Variants in ATR observed in about 807,000 individuals in gnomAD.
ATR encodes serine/threonine-protein kinase ATR.
A neutral mutation model predicts 305.3 loss-of-function variants in ATR; 142 were observed. The observed-to-expected ratio is 0.47, with a 90% CI of 0.41 to 0.53. The LOEUF (loss-of-function observed/expected upper bound fraction) is 0.53, where lower values mean the gene tolerates loss of function less well. Among genes scored for constraint, ATR ranks in the 20% least tolerant of loss-of-function variants. ATR has a pLI of 0.00. For missense variants in ATR, 2,135 were observed against 3,133.1 expected (o/e 0.68, Z 7.60); for synonymous variants, 1,050 against 1,068.1 (o/e 0.98, Z 0.33).
At chr3:142,470,836 T>C (rs2071245272) in intron 36 of ATR, among the ~76,000 whole-genome samples, 1 of 152,176 alleles carries the variant, frequency 6.6e-6, no homozygotes. Flanking sequence ...ACGCTGTTTC[T>C]GGTAAAATTT....
intron 6 of ATR, among the ~76,000 whole-genome samples, 170 bp downstream of exon 6, chr3:142,560,093 A>G (rs1162191362): frequency 6.6e-6 from 1 of 152,244 alleles, no homozygotes; most frequent in Non-Finnish European, 1.5e-5. Flanking sequence ...AGATATATAC[A>G]GTGCTTAGCA....
chr3:142,465,315 G>T (rs2108271783), intron 40 of ATR, 75 bp from the exon 41 acceptor site: 17 of 1,074,804 alleles, frequency 1.6e-5, no homozygotes, highest in East Asian at 8.5e-5. Context: ...TAAACCTTGA[G>T]TTATGTAAAA....
At chr3:142,521,689 A>G (rs1023945958) in intron 23 of ATR, among the ~76,000 whole-genome samples, 124 of 152,224 alleles carry the variant, frequency 8.1e-4, no homozygotes, top group African/African-American at 2.8e-3. Flanking sequence ...GAGATGTGAT[A>G]AAAACAGCAA....
intron 18 of ATR, among the ~76,000 whole-genome samples, chr3:142,538,829 A>C (rs1348198861): frequency 1.3e-5 from 2 of 152,128 alleles, no homozygotes; most frequent in Non-Finnish European, 2.9e-5. Context: ...GGTGAAAAAC[A>C]GTGTTTGGGG....
chr3:142,550,390 A>C, intron 13 of ATR, 88 bp from the exon 14 acceptor site: 1 of 1,365,080 alleles, frequency 7.3e-7, no homozygotes, highest in Non-Finnish European at 1.0e-6. Context: ...GGGCAGTATC[A>C]AATAGTATTC....
At chr3:142,477,756 G>C (rs2030005556) in intron 36 of ATR, among the ~76,000 whole-genome samples, 1 of 152,114 alleles carries the variant, frequency 6.6e-6, no homozygotes, top group South Asian at 2.1e-4. Context: ...ATTAATTATT[G>C]CCTCAATTTC....
Position 142,453,174 on chromosome 3 carries a change from T to C in ATR, c.7715A>G (p.His2572Arg). The C allele has an allele frequency of 6.2e-7, 1 of 1,614,066 alleles. No individual in the cohort carries two copies. The highest frequency in any genetic ancestry group is 8.5e-7 in the Non-Finnish European group (1 of 1,179,950). The change falls in exon 46 of 47, where the codon CAT becomes CGT. Residue 2572 changes from histidine to arginine, a missense_variant. His to Arg is a conservative substitution (Grantham distance 29). Around this residue, in one of 9 missense-constraint regions of ATR, gnomAD observed 462 missense variants for 887.6 expected, o/e 0.52. Coordinates refer to ENST00000350721, the MANE Select transcript of ATR (RefSeq NM_001184.4). ...LVEWSKPVKG[H>R]SKAPLNETGE... ...AGTTTCATTCAGTGGCGCTTTGGAA[T>C]GCCCTTTCACTGGTTTACTCCATTC...
Position 142,554,752 on chromosome 3 carries a change from T to G in ATR, c.2342-737A>C, listed in dbSNP as rs2034602546. On this transcript the variant is annotated intron_variant, in intron 10 of 46. Coordinates refer to ENST00000350721, the MANE Select transcript of ATR (RefSeq NM_001184.4). ...AGCCTGGGCAACAAAGTGAGATCCCTCTCTACAAAAAATTTAAAAATTAGC... is the reference window on the plus strand; with the variant it reads ...AGCCTGGGCAACAAAGTGAGATCCCGCTCTACAAAAAATTTAAAAATTAGC... Among the ~76,000 whole-genome samples, 3 of 151,302 alleles carry G rather than the reference T, an allele frequency of 2.0e-5. No individual in the cohort carries two copies. The South Asian group carries it at 6.3e-4, about 32-fold the overall frequency.
chr3:142,513,786 G>T, intron 25 of ATR, 148 bp from the exon 26 acceptor site: 1 of 886,874 alleles, frequency 1.1e-6, no homozygotes, highest in Admixed American at 3.1e-5. Flanking sequence ...AATTATTTGG[G>T]GTTAAAGTCA....
intron 19 of ATR, 132 bp downstream of exon 19, chr3:142,538,350 C>G: frequency 1.1e-6 from 1 of 924,096 alleles, no homozygotes; most frequent in South Asian, 1.8e-5. Flanking sequence ...AATTACATGC[C>G]AATTACTTTT....
intron 27 of ATR, among the ~76,000 whole-genome samples, chr3:142,509,577 G>A (rs1333774668): frequency 1.1e-5 from 1 of 90,774 alleles, no homozygotes; most frequent in African/African-American, 4.5e-5. Flanking sequence ...TTTTTTTGGA[G>A]ACAGGGTCTC....
At chr3:142,515,663 G>T in intron 24 of ATR, 148 bp from the exon 25 acceptor site, 1 of 863,086 alleles carries the variant, frequency 1.2e-6, no homozygotes, top group Non-Finnish European at 1.8e-6. Flanking sequence ...CTTCTTAGGG[G>T]TGAAGTAGGT....
At chr3:142,505,351 C>G (rs768843213) in intron 28 of ATR, 48 bp from the exon 29 acceptor site, 1 of 1,601,968 alleles carries the variant, frequency 6.2e-7, no homozygotes, top group Non-Finnish European at 8.5e-7. Flanking sequence ...AAAAACACAA[C>G]TGGAAATAAA....
intron 34 of ATR, among the ~76,000 whole-genome samples, chr3:142,495,038 G>A (rs1420640201): frequency 6.6e-6 from 1 of 152,200 alleles, no homozygotes; most frequent in East Asian, 1.9e-4. Context: ...TGTGAAAAGT[G>A]AGGTTGCAGA....
At chr3:142,577,766 G>A (rs1251749031) in intron 1 of ATR, among the ~76,000 whole-genome samples, 1 of 152,208 alleles carries the variant, frequency 6.6e-6, no homozygotes, top group Non-Finnish European at 1.5e-5. Flanking sequence ...AGCAGCACAA[G>A]CTTATTTATT....
chr3:142,544,466 A>AAAAAAAAAAAAAAAAAAG (rs2034188888), intron 16 of ATR, among the ~76,000 whole-genome samples: 1 of 148,544 alleles, frequency 6.7e-6, no homozygotes, highest in Non-Finnish European at 1.5e-5. Flanking sequence ...AAAAAAAAAA[A>AAAAAAAAAAAAAAAAAAG]AAAAAAAAAA....
chr3:142,501,489 C>A (rs1283926815), intron 30 of ATR, among the ~76,000 whole-genome samples: 1 of 152,102 alleles, frequency 6.6e-6, no homozygotes, highest in Non-Finnish European at 1.5e-5. Flanking sequence ...CTTTATGAAT[C>A]ACAGTTTTGG....
chr3:142,462,634 A>C (rs1161975640), intron 41 of ATR, among the ~76,000 whole-genome samples: 3 of 151,944 alleles, frequency 2.0e-5, no homozygotes, highest in African/African-American at 7.3e-5. Context: ...ACGCCCAGCT[A>C]ATTTTTTGTA....
intron 41 of ATR, 85 bp downstream of exon 41, chr3:142,465,012 T>C: frequency 1.1e-6 from 1 of 930,614 alleles, no homozygotes; most frequent in Non-Finnish European, 1.4e-6. Flanking sequence ...AACTCTGAAA[T>C]AAAAGCAATC....
Sources: gnomAD v4.1 joint callset for allele counts (sites outside exome capture counted in the v4.1 genomes callset) on GRCh38, gnomAD v4.1.1 for gene constraint, gnomAD v4.1.1 regional missense constraint, MANE v1.5 for transcripts, NCBI Gene and HGNC (gene_info 2026-07-23, HGNC 2026-07-21) for gene names.